Variants in PCCA observed in about 807,000 individuals in gnomAD.
PCCA encodes propionyl-CoA carboxylase alpha chain, mitochondrial.
PCCA carries 74 observed loss-of-function variants against 101.3 expected under a neutral mutation model. That is an observed-to-expected ratio of 0.73 (90% CI 0.61 to 0.89). The LOEUF (loss-of-function observed/expected upper bound fraction) is 0.89, where lower values mean the gene tolerates loss of function less well. Ranked by LOEUF, PCCA falls within the 40% of genes least tolerant of loss-of-function variation. PCCA has a pLI of 0.00. For synonymous variants in PCCA, 294 were observed against 313.6 expected (o/e 0.94, Z 0.66); for missense variants, 891 against 907.0 (o/e 0.98, Z 0.23).
chr13:100,264,234 CTG>C (rs533390050), intron 10 of PCCA, among the ~76,000 whole-genome samples: 9 of 145,162 alleles, frequency 6.2e-5, no homozygotes, highest in African/African-American at 2.3e-4. Flanking sequence ...TATGTGATAT[CTG>C]TATATCATAT....
chr13:100,528,148 C>T (rs986483264), intron 23 of PCCA, among the ~76,000 whole-genome samples: 1 of 152,154 alleles, frequency 6.6e-6, no homozygotes, highest in Non-Finnish European at 1.5e-5. Context: ...GACAATTTCT[C>T]TACAAAGGGA....
intron 6 of PCCA, among the ~76,000 whole-genome samples, chr13:100,166,354 G>C (rs1005955129): frequency 6.6e-6 from 1 of 151,792 alleles, no homozygotes; most frequent in African/African-American, 2.4e-5. Context: ...CCCCTCTTTT[G>C]CCCAGGCTAG....
chr13:100,408,140 A>G (rs1289832772), intron 19 of PCCA, among the ~76,000 whole-genome samples: 1 of 152,248 alleles, frequency 6.6e-6, no homozygotes, highest in East Asian at 1.9e-4. Flanking sequence ...TGACAGAGTG[A>G]GACTCCGTCT....
chr13:100,445,716 G>T (rs1192538274), intron 20 of PCCA, among the ~76,000 whole-genome samples: 1 of 152,038 alleles, frequency 6.6e-6, no homozygotes, highest in Non-Finnish European at 1.5e-5. Flanking sequence ...TGTCTTCCGG[G>T]TTCATCCATG....
intron 6 of PCCA, among the ~76,000 whole-genome samples, chr13:100,195,529 G>A (rs963526296): frequency 6.6e-6 from 1 of 152,094 alleles, no homozygotes; most frequent in Non-Finnish European, 1.5e-5. Flanking sequence ...GCTTGTTTTT[G>A]TTAACTCAAA....
intron 6 of PCCA, among the ~76,000 whole-genome samples, chr13:100,174,935 T>C (rs1332229783): frequency 6.6e-6 from 1 of 152,092 alleles, no homozygotes; most frequent in African/African-American, 2.4e-5. Flanking sequence ...TTTTAAAATG[T>C]ATTTTAATTA....
chr13:100,280,284 C>T (rs1014074751), intron 12 of PCCA, among the ~76,000 whole-genome samples: 11 of 140,238 alleles, frequency 7.8e-5, no homozygotes, highest in Non-Finnish European at 1.5e-4. Context: ...AATTTAAATG[C>T]TTTTGCATCA....
chr13:100,322,113 T>A (rs1272280347), intron 16 of PCCA, among the ~76,000 whole-genome samples: 1 of 152,198 alleles, frequency 6.6e-6, no homozygotes, highest in Non-Finnish European at 1.5e-5. Context: ...TGGTCCATGC[T>A]GCTAGGAGGC....
intron 7 of PCCA, among the ~76,000 whole-genome samples, chr13:100,229,180 G>T (rs1416227788): frequency 6.6e-6 from 1 of 152,038 alleles, no homozygotes; most frequent in Non-Finnish European, 1.5e-5. Context: ...AACTCTGGAA[G>T]TTGCATGATG....
chr13:100,118,130 A>G (rs1286600846), intron 4 of PCCA, among the ~76,000 whole-genome samples: 3 of 151,670 alleles, frequency 2.0e-5, no homozygotes, highest in Non-Finnish European at 1.5e-5. Context: ...AAAAAGAAAA[A>G]AAAAAAAAAA....
At chr13:100,469,314 G>A (rs1283210435) in intron 21 of PCCA, among the ~76,000 whole-genome samples, 1 of 151,994 alleles carries the variant, frequency 6.6e-6, no homozygotes, top group Non-Finnish European at 1.5e-5. Context: ...GGTACTTTTG[G>A]CAAAGAGGAA....
At chr13:100,504,659 G>A (rs184042228) in intron 21 of PCCA, among the ~76,000 whole-genome samples, 12 of 152,234 alleles carry the variant, frequency 7.9e-5, no homozygotes, top group Admixed American at 2.6e-4. Context: ...CTTACTGGCC[G>A]GGCACCGTGG....
At chr13:100,194,173 GC>G (rs1289990565) in intron 6 of PCCA, among the ~76,000 whole-genome samples, 2 of 152,012 alleles carry the variant, frequency 1.3e-5, no homozygotes, top group East Asian at 3.9e-4. Flanking sequence ...GCAATTAAGT[GC>G]TTAAAACAAG....
chr13:100,526,874 C>T (rs1290808185), intron 22 of PCCA, among the ~76,000 whole-genome samples: 2 of 152,382 alleles, frequency 1.3e-5, no homozygotes, highest in African/African-American at 4.8e-5. Context: ...AAGTTCTGAA[C>T]GCAGTCTGAG....
intron 12 of PCCA, among the ~76,000 whole-genome samples, chr13:100,281,297 A>C (rs1423858099): frequency 6.6e-6 from 1 of 152,212 alleles, no homozygotes; most frequent in Non-Finnish European, 1.5e-5. Context: ...AAGGAAAAGA[A>C]ATTTGTGCTA....
chr13:100,398,218 T>C (rs1382469430), intron 19 of PCCA, among the ~76,000 whole-genome samples: 1 of 152,164 alleles, frequency 6.6e-6, no homozygotes, highest in African/African-American at 2.4e-5. Context: ...ATACCACTGG[T>C]TTAGGTGCAT....
intron 11 of PCCA, 22 bp downstream of exon 11, chr13:100,268,805 T>G (rs760371315): frequency 6.6e-7 from 1 of 1,513,442 alleles, no homozygotes; most frequent in Non-Finnish European, 9.2e-7. Context: ...AAGAAACATT[T>G]ATAAAGCGGC....
At position 100,353,301 on chromosome 13, in the gene PCCA, C is replaced by T. The variant is rs186407268; in HGVS notation, c.1643+13042C>T. On this transcript the variant is annotated intron_variant, in intron 18 of 23. Transcript: ENST00000376285. ...ACAGACATCTCTAGAATAATCTCTC[C>T]AACAACAGCAGAATATACCTGTCTC... 2.6e-5 allele frequency among the ~76,000 whole-genome samples: 4 copies of T among 152,242 alleles called. No homozygotes were observed. In the East Asian group the frequency reaches 7.7e-4, roughly 29 times the overall value.
rs74652204 is a variant in PCCA, at chr13:100,229,694, A to G, written c.601-6148A>G. Among the ~76,000 whole-genome samples, 1,188 of 152,300 alleles carry G rather than the reference A, an allele frequency of 7.8e-3. 16 individuals are homozygous for G. Among genetic ancestry groups the G allele is most frequent in the African/African-American group, 0.027 (1,131 of 41,558 alleles). The stretch of plus-strand genomic sequence containing the variant: ...AAAATGTGAGGTCCTGTTCCAGCCA[A>G]TGGAAACCGGACACAGCAGTAGGGT... On this transcript the variant is annotated intron_variant, in intron 7 of 23. Transcript: ENST00000376285.
Sources: allele counts gnomAD v4.1 joint callset (sites outside exome capture counted in the v4.1 genomes callset), GRCh38; gene constraint gnomAD v4.1.1; transcripts MANE v1.5; gene names NCBI Gene and HGNC (gene_info 2026-07-23, HGNC 2026-07-21).